The following RHOU variants were observed in gnomAD, a reference collection of about 807,000 sequenced individuals.
The protein encoded by RHOU is rho-related GTP-binding protein RhoU.
Under a neutral mutation model 12.6 loss-of-function variants are expected in RHOU, and 8 were observed. The observed-to-expected ratio is 0.64, with a 90% CI of 0.37 to 1.15. The LOEUF is 1.15. Ranked by LOEUF, RHOU falls within the 50% of genes most tolerant of loss-of-function variation. The pLI, the probability that RHOU is intolerant of heterozygous loss-of-function variation, is 0.01. For missense variants in RHOU, 258 were observed against 347.0 expected (o/e 0.74, Z 2.04); for synonymous variants, 161 against 147.4 (o/e 1.09, Z -0.67).
chr1:228,694,607 A>G, the RHOU span, among the ~76,000 whole-genome samples: 1 of 152,232 alleles, frequency 6.6e-6, no homozygotes, highest in African/African-American at 2.4e-5. Flanking sequence ...TTTGCTGAGT[A>G]TAATGGCTTC....
chr1:228,667,649 T>C, the RHOU span, among the ~76,000 whole-genome samples: 1 of 152,198 alleles, frequency 6.6e-6, no homozygotes, highest in Admixed American at 6.5e-5. Flanking sequence ...CGACCCATGT[T>C]TTCAATGACT....
the RHOU span, among the ~76,000 whole-genome samples, chr1:228,688,361 C>G: frequency 6.6e-6 from 1 of 152,190 alleles, no homozygotes; most frequent in Non-Finnish European, 1.5e-5. Flanking sequence ...CTGCCTCTTT[C>G]ATGTGTGAAG....
chr1:228,664,805 T>C, the RHOU span, among the ~76,000 whole-genome samples: 1 of 152,142 alleles, frequency 6.6e-6, no homozygotes, highest in Non-Finnish European at 1.5e-5. Flanking sequence ...GGCTAATTTT[T>C]TGTATTTTGG....
chr1:228,651,228 G>T, the RHOU span: 1 of 209,274 alleles, frequency 4.8e-6, no homozygotes. Context: ...GAGGCAGCAG[G>T]CTCTTCATTG....
At chr1:228,646,869 G>C in the RHOU span, among the ~76,000 whole-genome samples, 3 of 151,980 alleles carry the variant, frequency 2.0e-5, no homozygotes, top group Non-Finnish European at 4.4e-5. Flanking sequence ...AAGATGGATG[G>C]AGAGATAGAA....
At chr1:228,702,404 T>C in the RHOU span, among the ~76,000 whole-genome samples, 1 of 152,076 alleles carries the variant, frequency 6.6e-6, no homozygotes, top group Admixed American at 6.6e-5. Flanking sequence ...ACTGGAGCAT[T>C]CAGCCCTTCA....
In RHOU at chr1:228,743,442, G is replaced by GA; in HGVS notation, c.481dup (p.Thr161AsnfsTer14). On this transcript the variant is annotated frameshift_variant, in exon 3 of 3. Transcript: ENST00000366691. LOFTEE classifies it high-confidence loss of function. This position sits in a 1 kb window ranked among gnomAD's most constrained non-coding sequence, Gnocchi z 5.1. ...CCCAAAGCCCCCATCATCCTAGTTG[G>GA]AACGCAGTCGGATCTCAGAGAAGAT... 1.9e-6 allele frequency: 3 copies of GA among 1,614,174 alleles called. No individual in the cohort carries two copies. The highest frequency in any genetic ancestry group is 2.5e-6 in the Non-Finnish European group (3 of 1,180,042).
the RHOU span, among the ~76,000 whole-genome samples, chr1:228,706,550 C>T: frequency 6.5e-3 from 985 of 152,368 alleles, 3 homozygotes; most frequent in Admixed American, 0.014. Flanking sequence ...GGTCTGTTTA[C>T]ATAGCCACAT....
chr1:228,685,633 GA>G, the RHOU span, among the ~76,000 whole-genome samples: 1 of 152,184 alleles, frequency 6.6e-6, no homozygotes, highest in East Asian at 1.9e-4. Flanking sequence ...GAGAGTTTTA[GA>G]AGATAACTAA....
At chr1:228,654,912 T>C in the RHOU span, among the ~76,000 whole-genome samples, 1 of 152,210 alleles carries the variant, frequency 6.6e-6, no homozygotes, top group Non-Finnish European at 1.5e-5. Flanking sequence ...TAATTCTATG[T>C]GCTGTACCTG....
In RHOU at chr1:228,746,615, C is replaced by T. The variant is rs992321523; in HGVS notation, c.*2875C>T. Reference sequence around the variant, plus strand: ...AAATGATGTTGAGCAGAATGTTGTACTTGAAAATGCTATAAGTGAGATGGT... The same window carrying T: ...AAATGATGTTGAGCAGAATGTTGTATTTGAAAATGCTATAAGTGAGATGGT... On this transcript the variant is annotated 3_prime_UTR_variant, in exon 3 of 3. Transcript: ENST00000366691. 2 of 152,162 alleles carry T rather than the reference C, an allele frequency of 1.3e-5. No individual in the cohort carries two copies. The highest frequency in any genetic ancestry group is 4.8e-5 in the African/African-American group (2 of 41,436). 9.4% of individuals were successfully genotyped at this position (152,162 alleles called of 1,614,324 possible).
chr1:228,702,155 C>G, the RHOU span, among the ~76,000 whole-genome samples: 1 of 152,044 alleles, frequency 6.6e-6, no homozygotes, highest in East Asian at 1.9e-4. Context: ...TGTAAAAAAA[C>G]TCAGACATTT....
chr1:228,732,962 C>T (rs1456525240), upstream of RHOU, among the ~76,000 whole-genome samples: 1 of 152,202 alleles, frequency 6.6e-6, no homozygotes. Context: ...TAAGACATGA[C>T]ATTTTAATAA....
At position 228,743,187 on chromosome 1, in the gene RHOU, A is replaced by C; in HGVS notation, c.322-98A>C. ...TCCTTCTAGAACCAGCGGGTCTTCT[A>C]TCACCTGCCAGACCCTTTCATGAAA... On this transcript the variant is annotated intron_variant, in intron 2 of 2. Transcript: ENST00000366691. The surrounding 1 kb of genome is among the most constrained non-coding windows in gnomAD (Gnocchi z 5.1). The C allele has an allele frequency of 8.9e-7, 1 of 1,118,452 alleles. No individual in the cohort carries two copies. The highest frequency in any genetic ancestry group is 1.3e-6 in the Non-Finnish European group (1 of 758,250). 69.3% of individuals were successfully genotyped at this position (1,118,452 alleles called of 1,614,324 possible).
the RHOU span, among the ~76,000 whole-genome samples, chr1:228,646,501 G>C: frequency 1.1e-5 from 1 of 91,968 alleles, no homozygotes; most frequent in African/African-American, 4.6e-5. Flanking sequence ...AGGGCTGGCC[G>C]AAGGCGAACA....
the RHOU span, among the ~76,000 whole-genome samples, chr1:228,662,711 T>C: frequency 7.9e-5 from 12 of 151,706 alleles, no homozygotes; most frequent in Admixed American, 5.9e-4. Flanking sequence ...GGGATAGCAT[T>C]AGGAGAAATA....
At chr1:228,692,364 T>C in the RHOU span, among the ~76,000 whole-genome samples, 1 of 152,226 alleles carries the variant, frequency 6.6e-6, no homozygotes, top group Non-Finnish European at 1.5e-5. Flanking sequence ...TTTTATTTTC[T>C]AGTTTTCTTC....
chr1:228,720,180 A>T, the RHOU span, among the ~76,000 whole-genome samples: 2 of 152,142 alleles, frequency 1.3e-5, no homozygotes, highest in African/African-American at 4.8e-5. Flanking sequence ...ATTAAAAGAA[A>T]AAAAAGGACT....
At position 228,746,516 on chromosome 1, in the gene RHOU, T is replaced by C. The variant is rs1008068116; in HGVS notation, c.*2776T>C. On this transcript the variant is annotated 3_prime_UTR_variant, in exon 3 of 3. Coordinates refer to ENST00000366691, the MANE Select transcript of RHOU (RefSeq NM_021205.6). ...TACCCAGGTATTACACAAGCCAAAATGGGAGCAAGGCCTTCTCTCCAGACT... is the reference window on the plus strand; with the variant it reads ...TACCCAGGTATTACACAAGCCAAAACGGGAGCAAGGCCTTCTCTCCAGACT... 3 of 152,218 alleles carry C rather than the reference T, an allele frequency of 2.0e-5. No homozygotes were observed. The highest frequency in any genetic ancestry group is 7.2e-5 in the African/African-American group (3 of 41,460). The allele number at this position is 152,218 out of a possible 1,614,324, so 9.4% of individuals were successfully genotyped here. A position where few individuals can be genotyped will look rare whatever the true frequency, so the allele number is the denominator to read the frequency against.
Sources: allele counts gnomAD v4.1 joint callset (sites outside exome capture counted in the v4.1 genomes callset), GRCh38; gene constraint gnomAD v4.1.1; non-coding constraint Gnocchi (gnomAD v3.1); transcripts MANE v1.5; gene names NCBI Gene and HGNC (gene_info 2026-07-23, HGNC 2026-07-21).